The following LUZP2 variants were observed in gnomAD, a reference collection of about 807,000 sequenced individuals.
LUZP2 encodes the protein leucine zipper protein 2.
Under a neutral mutation model 51.6 loss-of-function variants are expected in LUZP2, and 52 were observed. That is an observed-to-expected ratio of 1.01 (90% CI 0.81 to 1.27). The LOEUF (loss-of-function observed/expected upper bound fraction) is 1.27, where lower values mean the gene tolerates loss of function less well. Ranked by LOEUF, LUZP2 falls within the 50% of genes most tolerant of loss-of-function variation. The pLI, the probability that LUZP2 is intolerant of heterozygous loss-of-function variation, is 0.00. For missense variants in LUZP2, 436 were observed against 395.4 expected, an observed-to-expected ratio of 1.10 and a Z score of -0.87; for synonymous variants, 154 against 137.3, an observed-to-expected ratio of 1.12 and a Z score of -0.85.
At chr11:24,506,893 A>G (rs1850161413) in intron 1 of LUZP2, among the ~76,000 whole-genome samples, 1 of 152,150 alleles carries the variant, frequency 6.6e-6, no homozygotes, top group African/African-American at 2.4e-5. Flanking sequence ...TAGTCTCTGT[A>G]TAAATGTACA....
intron 1 of LUZP2, among the ~76,000 whole-genome samples, chr11:24,499,150 A>G (rs928376477): frequency 7.9e-5 from 12 of 152,192 alleles, no homozygotes; most frequent in African/African-American, 2.9e-4. Flanking sequence ...AACTTCTGCA[A>G]TGCTTGTGGT....
intron 1 of LUZP2, among the ~76,000 whole-genome samples, chr11:24,715,374 G>A (rs1241422850): frequency 4.0e-5 from 6 of 150,516 alleles, no homozygotes; most frequent in Non-Finnish European, 7.4e-5. Context: ...TATTCTATAG[G>A]AAGTAATTCA....
intron 5 of LUZP2, among the ~76,000 whole-genome samples, chr11:24,835,431 A>G (rs117951701): frequency 0.014 from 2,162 of 152,288 alleles, 32 homozygotes; most frequent in South Asian, 0.023. Flanking sequence ...ACCAAAAGAA[A>G]TTTCAACAGA....
chr11:24,817,191 A>T (rs1850214095), intron 5 of LUZP2, among the ~76,000 whole-genome samples: 1 of 146,026 alleles, frequency 6.8e-6, no homozygotes, highest in Non-Finnish European at 1.5e-5. Context: ...CTGCTTTATT[A>T]TGAGCAATAA....
chr11:24,628,771 C>A (rs907860616), intron 1 of LUZP2, among the ~76,000 whole-genome samples: 4 of 152,062 alleles, frequency 2.6e-5, no homozygotes, highest in African/African-American at 9.7e-5. Context: ...GTTGGCCAGG[C>A]TGATCTGGAA....
At chr11:24,978,467 T>A (rs1487935399) in intron 8 of LUZP2, among the ~76,000 whole-genome samples, 2 of 151,690 alleles carry the variant, frequency 1.3e-5, no homozygotes, top group Non-Finnish European at 3.0e-5. Context: ...AGCAGTCTGG[T>A]CTTCTCTGAG....
chr11:24,831,915 G>A (rs1850715757), intron 5 of LUZP2: 1 of 152,492 alleles, frequency 6.6e-6, no homozygotes, highest in African/African-American at 2.4e-5. Context: ...ATTCAAGGAA[G>A]AGACCAAGAG....
At chr11:24,504,051 T>A (rs1367739322) in intron 1 of LUZP2, among the ~76,000 whole-genome samples, 1 of 152,148 alleles carries the variant, frequency 6.6e-6, no homozygotes, top group Non-Finnish European at 1.5e-5. Context: ...CATTAATGAG[T>A]TCTCATCATT....
intron 5 of LUZP2, among the ~76,000 whole-genome samples, chr11:24,850,543 G>A (rs1437263222): frequency 1.0e-5 from 1 of 97,530 alleles, no homozygotes; most frequent in Non-Finnish European, 2.2e-5. Context: ...ACACTTAGAA[G>A]TCAGGTAGTG....
At chr11:24,622,045 A>G (rs1226132764) in intron 1 of LUZP2, among the ~76,000 whole-genome samples, 1 of 151,702 alleles carries the variant, frequency 6.6e-6, no homozygotes, top group African/African-American at 2.4e-5. Flanking sequence ...GGCTCAAGCT[A>G]TCCTTCCACC....
At chr11:25,067,672 C>A (rs897212388) in intron 10 of LUZP2, among the ~76,000 whole-genome samples, 1 of 151,968 alleles carries the variant, frequency 6.6e-6, no homozygotes, top group Non-Finnish European at 1.5e-5. Context: ...AGTCAGGAAA[C>A]AACAGAGGCT....
intron 1 of LUZP2, among the ~76,000 whole-genome samples, chr11:24,602,234 GTGT>G (rs1853734077): frequency 6.7e-5 from 1 of 14,906 alleles, no homozygotes; most frequent in African/African-American, 7.9e-5. Flanking sequence ...GTACATATAT[GTGT>G]ATATATGTAT....
chr11:24,664,389 C>G (rs972580388), intron 1 of LUZP2, among the ~76,000 whole-genome samples: 1 of 152,056 alleles, frequency 6.6e-6, no homozygotes, highest in Non-Finnish European at 1.5e-5. Context: ...AAATTTGCAG[C>G]CTGACAATGA....
intron 10 of LUZP2, among the ~76,000 whole-genome samples, chr11:25,066,583 T>C (rs1859002321): frequency 6.6e-6 from 1 of 151,974 alleles, no homozygotes; most frequent in Non-Finnish European, 1.5e-5. Flanking sequence ...ATTCATGCTT[T>C]ATTCTATAGG....
chr11:25,041,712 A>G (rs1337387755), intron 9 of LUZP2, among the ~76,000 whole-genome samples: 5 of 152,106 alleles, frequency 3.3e-5, no homozygotes, highest in Non-Finnish European at 5.9e-5. Flanking sequence ...GGATTTTTCT[A>G]TGTCAGCCAC....
At chr11:24,932,298 C>T (rs1854477477) in intron 7 of LUZP2, among the ~76,000 whole-genome samples, 1 of 152,150 alleles carries the variant, frequency 6.6e-6, no homozygotes, top group African/African-American at 2.4e-5. Context: ...AGGATACAAG[C>T]TTGCTGTAGG....
intron 1 of LUZP2, among the ~76,000 whole-genome samples, chr11:24,646,346 T>C (rs542241434): frequency 3.9e-5 from 6 of 152,250 alleles, no homozygotes; most frequent in South Asian, 2.1e-4. Context: ...TTAAATTTAA[T>C]ATCAAAGAAA....
At chr11:24,870,823 G>T (rs141363912) in intron 5 of LUZP2, among the ~76,000 whole-genome samples, 38 of 152,146 alleles carry the variant, frequency 2.5e-4, no homozygotes, top group African/African-American at 9.1e-4. Flanking sequence ...TCATTTCGTT[G>T]TAAGAAGTCC....
At chr11:24,715,304 T>TGTGC (rs1554978585) in intron 1 of LUZP2, among the ~76,000 whole-genome samples, 17 of 67,766 alleles carry the variant, frequency 2.5e-4, no homozygotes, top group South Asian at 1.6e-3. Context: ...TGTGTGTGTG[T>TGTGC]GTGCATGCGT....
Sources: allele counts gnomAD v4.1 joint callset (sites outside exome capture counted in the v4.1 genomes callset), GRCh38; gene constraint gnomAD v4.1.1; transcripts MANE v1.5; gene names NCBI Gene and HGNC (gene_info 2026-07-23, HGNC 2026-07-21).